Variants in ROR1 observed in about 807,000 individuals in gnomAD.
The protein encoded by ROR1 is ROR family WNT receptor 1.
A neutral mutation model predicts 78.8 loss-of-function variants in ROR1; 19 were observed. That is an observed-to-expected ratio of 0.24 (90% CI 0.17 to 0.35). The LOEUF (loss-of-function observed/expected upper bound fraction) is 0.35. ROR1 is among the 10% of genes least tolerant of loss of function. ROR1 has a pLI of 1.00. For synonymous variants in ROR1, 386 were observed against 433.6 expected, an observed-to-expected ratio of 0.89 and a Z score of 1.36; for missense variants, 917 against 1,177.8, an observed-to-expected ratio of 0.78 and a Z score of 3.24.
intron 7 of ROR1, among the ~76,000 whole-genome samples, chr1:64,152,710 C>T (rs113363413): frequency 6.6e-6 from 1 of 152,072 alleles, no homozygotes; most frequent in Non-Finnish European, 1.5e-5. Flanking sequence ...ATTAGCCTGT[C>T]GAGTACGATC....
In ROR1 at chr1:63,927,498, T is replaced by C. The variant is rs1217929663; in HGVS notation, c.92-81807T>C. On this transcript the variant is annotated intron_variant, in intron 1 of 8. Coordinates refer to ENST00000371079, the MANE Select transcript of ROR1 (RefSeq NM_005012.4). ...TTTTTTGTTGTGTCTCTGCCTGGCTTTGGTATCAGAATGATGCTGGCCTCA... is the reference window on the plus strand; with the variant it reads ...TTTTTTGTTGTGTCTCTGCCTGGCTCTGGTATCAGAATGATGCTGGCCTCA... Among the ~76,000 whole-genome samples the C allele has an allele frequency of 4.6e-5, 7 of 151,510 alleles. No homozygotes were observed. In the East Asian group the frequency reaches 1.4e-3, roughly 30 times the overall value.
At chr1:64,028,288 C>T (rs551999915) in intron 2 of ROR1, among the ~76,000 whole-genome samples, 7 of 152,218 alleles carry the variant, frequency 4.6e-5, no homozygotes, top group Middle Eastern at 6.8e-3. Context: ...TGCATCTGTC[C>T]TCAAGATGCT....
At chr1:64,126,037 T>C (rs72916944) in intron 4 of ROR1, among the ~76,000 whole-genome samples, 3,256 of 152,210 alleles carry the variant, frequency 0.021, 114 homozygotes, top group African/African-American at 0.074. Context: ...AGAGAACATA[T>C]TTTCTCATGA....
intron 1 of ROR1, among the ~76,000 whole-genome samples, chr1:63,806,199 TTCC>T (rs960325625): frequency 1.3e-5 from 2 of 152,176 alleles, no homozygotes; most frequent in Non-Finnish European, 2.9e-5. Flanking sequence ...GCCCTGTGAC[TTCC>T]TCCTAACTTG....
chr1:63,958,810 T>G (rs1646004436), intron 1 of ROR1, among the ~76,000 whole-genome samples: 1 of 152,142 alleles, frequency 6.6e-6, no homozygotes, highest in Non-Finnish European at 1.5e-5. Context: ...AAAGGACAAA[T>G]GAAGCATGTG....
intron 4 of ROR1, among the ~76,000 whole-genome samples, chr1:64,110,116 A>G (rs1003911199): frequency 1.3e-5 from 2 of 152,194 alleles, no homozygotes; most frequent in Non-Finnish European, 2.9e-5. Flanking sequence ...GTACAATAGG[A>G]ACATAACTCT....
chr1:63,814,557 G>T (rs1378728315), intron 1 of ROR1, among the ~76,000 whole-genome samples: 1 of 151,810 alleles, frequency 6.6e-6, no homozygotes, highest in Non-Finnish European at 1.5e-5. Context: ...GAATCAGTGG[G>T]AGCCCTGAGC....
intron 2 of ROR1, among the ~76,000 whole-genome samples, chr1:64,022,816 G>T (rs1045470315): frequency 3.0e-4 from 45 of 152,336 alleles, no homozygotes; most frequent in African/African-American, 1.1e-3. Flanking sequence ...TGTGTTAAAA[G>T]AACTGTGAGC....
intron 1 of ROR1, among the ~76,000 whole-genome samples, chr1:63,896,434 G>A (rs1216582423): frequency 6.6e-6 from 1 of 152,026 alleles, no homozygotes; most frequent in Non-Finnish European, 1.5e-5. Context: ...GTATGTGCTG[G>A]GTCCCTCCTT....
At chr1:64,061,179 C>G (rs1301614135) in intron 4 of ROR1, among the ~76,000 whole-genome samples, 1 of 152,156 alleles carries the variant, frequency 6.6e-6, no homozygotes, top group African/African-American at 2.4e-5. Flanking sequence ...AAGTCTGTGT[C>G]CTGAAAGCTT....
intron 4 of ROR1, among the ~76,000 whole-genome samples, chr1:64,080,068 G>T (rs860634): frequency 0.36 from 54,622 of 151,930 alleles, 12,929 homozygotes; most frequent in African/African-American, 0.68. Flanking sequence ...GTTCTTACCT[G>T]ATTTGGAGTC....
intron 4 of ROR1, among the ~76,000 whole-genome samples, chr1:64,071,321 A>G (rs1453455618): frequency 2.0e-5 from 3 of 152,182 alleles, no homozygotes; most frequent in African/African-American, 7.2e-5. Flanking sequence ...AGGAGCTGGA[A>G]GAGCAATAAG....
chr1:63,935,384 A>G (rs1645786278), intron 1 of ROR1, among the ~76,000 whole-genome samples: 1 of 152,202 alleles, frequency 6.6e-6, no homozygotes, highest in Non-Finnish European at 1.5e-5. Context: ...GCCTGTGCCA[A>G]GGTACAGCTA....
Position 64,143,170 on chromosome 1 carries a change from A to AAATGGAATTCCTG in ROR1, c.1174+522_1174+534dup, listed in dbSNP as rs1292553672. 9.1e-6 allele frequency: 9 copies of AAATGGAATTCCTG among 989,452 alleles called. No individual in the cohort carries two copies. The East Asian group carries it at 8.9e-4, about 98-fold the overall frequency. The allele number at this position is 989,452 out of a possible 1,614,324, so 61.3% of individuals were successfully genotyped here. A position where few individuals can be genotyped will look rare whatever the true frequency, so the allele number is the denominator to read the frequency against. On this transcript the variant is annotated intron_variant, in intron 7 of 8. Coordinates refer to ENST00000371079, the MANE Select transcript of ROR1 (RefSeq NM_005012.4). ...AGAAGCATATAGGTATCTAGTAAGA[A>AAATGGAATTCCTG]AATGGAATTCCTGAGTCAGTTAACT...
chr1:64,055,157 A>G (rs1392939269), intron 4 of ROR1, among the ~76,000 whole-genome samples: 3 of 152,242 alleles, frequency 2.0e-5, no homozygotes, highest in East Asian at 1.9e-4. Context: ...GGTTCAACCC[A>G]TAACACTTGA....
At chr1:63,870,455 A>G (rs1302446099) in intron 1 of ROR1, among the ~76,000 whole-genome samples, 1 of 152,218 alleles carries the variant, frequency 6.6e-6, no homozygotes, top group Non-Finnish European at 1.5e-5. Context: ...ATCGCCTATT[A>G]AAGCCTTTTT....
At chr1:64,138,409 C>G (rs1649192972) in intron 5 of ROR1, among the ~76,000 whole-genome samples, 1 of 151,930 alleles carries the variant, frequency 6.6e-6, no homozygotes, top group Non-Finnish European at 1.5e-5. Flanking sequence ...ATCTGGCAAC[C>G]CTAGGGTCTA....
At chr1:64,133,828 A>C (rs916517586) in intron 4 of ROR1, among the ~76,000 whole-genome samples, 1 of 152,248 alleles carries the variant, frequency 6.6e-6, no homozygotes, top group East Asian at 1.9e-4. Context: ...GGAGTAAGGC[A>C]GGAAGACATC....
chr1:63,805,242 G>C (rs594697), intron 1 of ROR1, among the ~76,000 whole-genome samples: 52,643 of 152,120 alleles, frequency 0.35, 12,555 homozygotes, highest in African/African-American at 0.69. Context: ...GGGAAGGAAC[G>C]AGGAGGGAGA....
Sources: gnomAD v4.1 joint callset for allele counts (sites outside exome capture counted in the v4.1 genomes callset) on GRCh38, gnomAD v4.1.1 for gene constraint, MANE v1.5 for transcripts, NCBI Gene and HGNC (gene_info 2026-07-23, HGNC 2026-07-21) for gene names.